The following SPIN1 variants were observed in gnomAD, a reference collection of about 807,000 sequenced individuals.
SPIN1 encodes the protein spindlin 1, also known as spindlin-1.
SPIN1 carries 3 observed loss-of-function variants against 26.0 expected under a neutral mutation model. The ratio of observed to expected loss-of-function variants is 0.12; its 90% CI spans 0.05 to 0.30. SPIN1 has a LOEUF of 0.30. SPIN1 is among the 10% of genes least tolerant of loss of function. The probability of loss-of-function intolerance (pLI) is 1.00; values close to 1 mark genes in which losing one functional copy is unlikely to be tolerated. For synonymous variants in SPIN1, 101 were observed against 116.5 expected, an observed-to-expected ratio of 0.87 and a Z score of 0.86; for missense variants, 126 against 333.4, an observed-to-expected ratio of 0.38 and a Z score of 4.84.
At chr9:88,409,573 T>G (rs1428855484) in intron 1 of SPIN1, among the ~76,000 whole-genome samples, 5 of 151,698 alleles carry the variant, frequency 3.3e-5, no homozygotes, top group African/African-American at 1.2e-4. Context: ...CGGTGGCTCA[T>G]TCCTGTAATC....
At position 88,474,950 on chromosome 9, in the gene SPIN1, C is replaced by T. The variant is rs572204598; in HGVS notation, c.590-128C>T. ...TTTGCTGACTCCTGGTCTAGATAAT[C>T]ATGAATTCAGGCTATTAAAATTTTT... On this transcript the variant is annotated intron_variant, in intron 5 of 5. Transcript: ENST00000375859. 13 of 890,238 alleles carry T rather than the reference C, an allele frequency of 1.5e-5. No homozygotes were observed. The African/African-American group carries it at 2.2e-4, about 15-fold the overall frequency. The allele number at this position is 890,238 out of a possible 1,614,324, so 55.1% of individuals were successfully genotyped here.
chr9:88,398,114 A>T (rs981949316), intron 1 of SPIN1, among the ~76,000 whole-genome samples: 8 of 151,614 alleles, frequency 5.3e-5, no homozygotes, highest in Non-Finnish European at 8.8e-5. Flanking sequence ...TTTAGTAGAG[A>T]CGGGATTTTG....
At chr9:88,410,206 T>TA (rs1302413594) in intron 1 of SPIN1, among the ~76,000 whole-genome samples, 2 of 151,074 alleles carry the variant, frequency 1.3e-5, no homozygotes, top group African/African-American at 2.4e-5. Context: ...TTTTTTTTTT[T>TA]AAAGACATTT....
At chr9:88,419,158 C>T (rs999412298) in intron 1 of SPIN1, among the ~76,000 whole-genome samples, 5 of 152,144 alleles carry the variant, frequency 3.3e-5, no homozygotes, top group African/African-American at 1.2e-4. Flanking sequence ...AATTAACTTC[C>T]TCTTAAAGCA....
At chr9:88,388,828 T>C (rs11142275) in intron 1 of SPIN1, among the ~76,000 whole-genome samples, 28,869 of 150,118 alleles carry the variant, frequency 0.19, 3,676 homozygotes, top group African/African-American at 0.37. Context: ...CGCCACCCTC[T>C]CGTCCCCAGT....
intron 2 of SPIN1, among the ~76,000 whole-genome samples, chr9:88,430,264 A>ATAGCCTGGAGCTT (rs1564030385): frequency 6.6e-6 from 1 of 152,214 alleles, no homozygotes; most frequent in Non-Finnish European, 1.5e-5. Context: ...TAGGACTTAA[A>ATAGCCTGGAGCTT]TAGCCTGGAG....
chr9:88,426,117 T>C (rs927117585), intron 1 of SPIN1, among the ~76,000 whole-genome samples: 2 of 152,198 alleles, frequency 1.3e-5, no homozygotes, highest in Admixed American at 6.5e-5. Flanking sequence ...GCAGCTGTAT[T>C]GTGTTCCAGT....
At chr9:88,458,794 A>G (rs1261432869) in intron 3 of SPIN1, among the ~76,000 whole-genome samples, 1 of 152,170 alleles carries the variant, frequency 6.6e-6, no homozygotes, top group Non-Finnish European at 1.5e-5. Flanking sequence ...GAGCCAGGGA[A>G]GAGTTGAAGC....
intron 3 of SPIN1, among the ~76,000 whole-genome samples, chr9:88,458,210 AAG>A (rs1339250895): frequency 6.6e-6 from 1 of 152,244 alleles, no homozygotes; most frequent in Non-Finnish European, 1.5e-5. Flanking sequence ...CAGATGAAGG[AAG>A]AGAGGAAAGT....
intron 1 of SPIN1, among the ~76,000 whole-genome samples, chr9:88,423,633 C>G (rs1587789176): frequency 6.6e-6 from 1 of 151,624 alleles, no homozygotes; most frequent in African/African-American, 2.4e-5. Context: ...GAGACCGGGT[C>G]TCGAACTCCT....
chr9:88,450,360 A>G (rs1828331832), intron 3 of SPIN1, among the ~76,000 whole-genome samples: 1 of 152,220 alleles, frequency 6.6e-6, no homozygotes. Context: ...TTTGCAAGTT[A>G]AGTTAAAGGC....
At chr9:88,400,991 C>T (rs1284475888) in intron 1 of SPIN1, among the ~76,000 whole-genome samples, 1 of 152,118 alleles carries the variant, frequency 6.6e-6, no homozygotes, top group Non-Finnish European at 1.5e-5. Flanking sequence ...CCAGCCTGGG[C>T]AACAGAGTGA....
intron 2 of SPIN1, among the ~76,000 whole-genome samples, chr9:88,431,574 G>T (rs1256416571): frequency 6.6e-6 from 1 of 152,210 alleles, no homozygotes; most frequent in Non-Finnish European, 1.5e-5. Flanking sequence ...ACAGAAGTAG[G>T]CCACTGTGCC....
At chr9:88,406,250 C>T (rs1476919817) in intron 1 of SPIN1, among the ~76,000 whole-genome samples, 4 of 150,846 alleles carry the variant, frequency 2.7e-5, no homozygotes, top group Non-Finnish European at 4.4e-5. Flanking sequence ...CATGACTGTA[C>T]TTAAGTTTTG....
chr9:88,411,122 T>TAAA lies in SPIN1; in HGVS notation c.-158-15260_-158-15259insAAA. 3 of 1,516,404 alleles carry TAAA rather than the reference T, an allele frequency of 2.0e-6. No homozygotes were observed. In the South Asian group the frequency reaches 3.4e-5, roughly 17 times the overall value. 93.9% of individuals were successfully genotyped at this position (1,516,404 alleles called of 1,614,324 possible). A position where few individuals can be genotyped will look rare whatever the true frequency, so the allele number is the denominator to read the frequency against. ...TCTTAGGTGATGTTCTTTAGTGTCT[T>TAAA]CTTTAATGCCACCAACAAATATCTT... is the stretch of plus-strand genomic sequence containing the variant. On this transcript the variant is annotated intron_variant, in intron 1 of 5. Transcript: ENST00000375859.
chr9:88,443,222 T>C (rs1828177215), intron 2 of SPIN1, among the ~76,000 whole-genome samples: 1 of 152,188 alleles, frequency 6.6e-6, no homozygotes, highest in Non-Finnish European at 1.5e-5. Context: ...AAGTTATGCC[T>C]TTTGTACTTG....
chr9:88,447,376 C>CT (rs753893497), intron 2 of SPIN1, among the ~76,000 whole-genome samples: 24 of 152,066 alleles, frequency 1.6e-4, no homozygotes, highest in Admixed American at 1.4e-3. Context: ...CAATCTGCTA[C>CT]TTTTTTTTGT....
intron 2 of SPIN1, among the ~76,000 whole-genome samples, chr9:88,444,077 T>G (rs1434417779): frequency 6.6e-6 from 1 of 152,124 alleles, no homozygotes; most frequent in African/African-American, 2.4e-5. Context: ...TCTTGTGACC[T>G]CAATTCTCTG....
chr9:88,410,417 A>G (rs528833733), intron 1 of SPIN1: 368 of 598,906 alleles, frequency 6.1e-4, no homozygotes, highest in Middle Eastern at 5.1e-3. Flanking sequence ...TCTTCTTTGT[A>G]GCATCTAGGC....
Sources: allele counts gnomAD v4.1 joint callset (sites outside exome capture counted in the v4.1 genomes callset), GRCh38; gene constraint gnomAD v4.1.1; transcripts MANE v1.5; gene names NCBI Gene and HGNC (gene_info 2026-07-23, HGNC 2026-07-21).